GNG7: variants seen among roughly 807,000 people sequenced by gnomAD.
GNG7 encodes G protein subunit gamma 7.
Under a neutral mutation model 4.0 loss-of-function variants are expected in GNG7, and 1 was observed. That is an observed-to-expected ratio of 0.25 (90% confidence interval 0.09 to 1.18). The LOEUF is 1.18. GNG7 is among the 50% of genes most tolerant of loss of function. The pLI is 0.50. For synonymous variants in GNG7, 34 were observed against 36.9 expected (o/e 0.92, Z 0.29); for missense variants, 86 against 91.9 (o/e 0.94, Z 0.26).
intron 3 of GNG7, among the ~76,000 whole-genome samples, chr19:2,537,782 G>A (rs968298344): frequency 6.6e-6 from 1 of 152,008 alleles, no homozygotes; most frequent in Non-Finnish European, 1.5e-5. Context: ...AATTATGAAA[G>A]GTCTTGAGGG....
chr19:2,572,081 G>A (rs1378170705), intron 2 of GNG7, among the ~76,000 whole-genome samples: 2 of 151,998 alleles, frequency 1.3e-5, no homozygotes, highest in Non-Finnish European at 2.9e-5. Context: ...GAGTGCAGTG[G>A]TGTGATCATA....
intron 1 of GNG7, among the ~76,000 whole-genome samples, chr19:2,655,577 G>A (rs1360273921): frequency 6.6e-6 from 1 of 151,902 alleles, no homozygotes; most frequent in African/African-American, 2.4e-5. Flanking sequence ...GGTGGCTCAT[G>A]CCTGTAATCT....
intron 1 of GNG7, among the ~76,000 whole-genome samples, chr19:2,646,546 G>A (rs557183308): frequency 2.6e-5 from 4 of 152,168 alleles, no homozygotes; most frequent in Non-Finnish European, 5.9e-5. Flanking sequence ...ATTAGCCAAC[G>A]TGGTGGTGGG....
chr19:2,519,213 C>T (rs1360814104), intron 4 of GNG7, among the ~76,000 whole-genome samples: 1 of 131,782 alleles, frequency 7.6e-6, no homozygotes, highest in Admixed American at 8.9e-5. Flanking sequence ...TGCAATGGTG[C>T]GATCTCGGCT....
rs546176884 is a variant in GNG7, at chr19:2,700,363, A to G, written c.-135+2283T>C. Among the ~76,000 whole-genome samples, 607 of 152,200 alleles carry G rather than the reference A, an allele frequency of 4.0e-3. 5 individuals carry two copies. Among genetic ancestry groups the G allele is most frequent in the African/African-American group, 0.013 (552 of 41,516 alleles). On this transcript the variant is annotated intron_variant, in intron 1 of 4. Transcript: ENST00000382159. ...TCGCTATATTGGCCAGGCTGGTCTC[A>G]AACTCCTGACCTCAGGTGATCCACC...
intron 2 of GNG7, among the ~76,000 whole-genome samples, chr19:2,570,284 T>C (rs1980106173): frequency 6.6e-6 from 1 of 152,100 alleles, no homozygotes; most frequent in African/African-American, 2.4e-5. Context: ...GCTTGTATGG[T>C]CTGTAGAACT....
At chr19:2,635,486 A>G (rs1982283256) in intron 2 of GNG7, among the ~76,000 whole-genome samples, 1 of 151,052 alleles carries the variant, frequency 6.6e-6, no homozygotes, top group Non-Finnish European at 1.5e-5. Context: ...CTCCCTCCTC[A>G]CTCGGAGTGT....
chr19:2,564,396 C>T (rs897123540), intron 2 of GNG7, among the ~76,000 whole-genome samples: 1 of 152,062 alleles, frequency 6.6e-6, no homozygotes, highest in Non-Finnish European at 1.5e-5. Flanking sequence ...GCCTGGCCAA[C>T]GTGGTGAAAC....
chr19:2,526,529 T>A (rs1184344105), intron 3 of GNG7, among the ~76,000 whole-genome samples: 2 of 148,832 alleles, frequency 1.3e-5, no homozygotes, highest in Admixed American at 6.7e-5. Context: ...CATATTTATA[T>A]TTATGTCATT....
chr19:2,592,911 A>AGGAAGGAAGGAGAGGGAG (rs1980892452), intron 2 of GNG7, among the ~76,000 whole-genome samples: 1 of 138,810 alleles, frequency 7.2e-6, no homozygotes. Flanking sequence ...GAAGGAAAGA[A>AGGAAGGAAGGAGAGGGAG]GGAAGGAAGG....
chr19:2,649,358 G>A (rs993862497), intron 1 of GNG7, among the ~76,000 whole-genome samples: 4 of 132,032 alleles, frequency 3.0e-5, no homozygotes, highest in East Asian at 2.5e-4. Flanking sequence ...TGAGAGAGGC[G>A]GATACATTCA....
At chr19:2,518,994 C>A (rs1332584882) in intron 4 of GNG7, among the ~76,000 whole-genome samples, 2 of 151,790 alleles carry the variant, frequency 1.3e-5, no homozygotes, top group Non-Finnish European at 2.9e-5. Context: ...GATGGGGTTT[C>A]ACCATATTGG....
intron 3 of GNG7, among the ~76,000 whole-genome samples, chr19:2,528,376 T>A (rs1236689664): frequency 7.7e-6 from 1 of 130,296 alleles, no homozygotes. Flanking sequence ...ATACAGACCA[T>A]CCTGGCTAAC....
chr19:2,698,186 G>C (rs1318571930), intron 1 of GNG7, among the ~76,000 whole-genome samples: 1 of 151,516 alleles, frequency 6.6e-6, no homozygotes, highest in Non-Finnish European at 1.5e-5. Context: ...AGAATGGCTT[G>C]AACCCAGGAG....
chr19:2,669,612 T>C (rs983354709), intron 1 of GNG7, among the ~76,000 whole-genome samples: 9 of 152,364 alleles, frequency 5.9e-5, no homozygotes, highest in Middle Eastern at 3.4e-3. Flanking sequence ...GTTTATGTAC[T>C]ATCTAGGGCA....
intron 1 of GNG7, among the ~76,000 whole-genome samples, chr19:2,696,334 G>GAAAGAAAGAAAGAAAGA (rs1913257837): frequency 8.2e-5 from 11 of 134,030 alleles, no homozygotes; most frequent in African/African-American, 2.9e-4. Context: ...AAGAAAGAAA[G>GAAAGAAAGAAAGAAAGA]AAAGAAAGAA....
chr19:2,654,348 C>A (rs573662024), intron 1 of GNG7, among the ~76,000 whole-genome samples: 1 of 152,242 alleles, frequency 6.6e-6, no homozygotes, highest in South Asian at 2.1e-4. Flanking sequence ...CCCCCAGGCA[C>A]TATGGACATT....
intron 3 of GNG7, among the ~76,000 whole-genome samples, chr19:2,524,331 G>A (rs1186914769): frequency 6.6e-6 from 1 of 152,154 alleles, no homozygotes; most frequent in African/African-American, 2.4e-5. Context: ...GGACTGCGCT[G>A]TGTGTGTGTG....
At chr19:2,622,140 C>G (rs1442874997) in intron 2 of GNG7, among the ~76,000 whole-genome samples, 1 of 151,246 alleles carries the variant, frequency 6.6e-6, no homozygotes, top group Middle Eastern at 3.2e-3. Flanking sequence ...AGTGCAGTGG[C>G]GAGATCTCGG....
Sources: gnomAD v4.1 joint callset for allele counts (sites outside exome capture counted in the v4.1 genomes callset) on GRCh38, gnomAD v4.1.1 for gene constraint, MANE v1.5 for transcripts, NCBI Gene and HGNC (gene_info 2026-07-23, HGNC 2026-07-21) for gene names.